Variants in TTC28 observed in about 807,000 individuals in gnomAD.
The protein encoded by TTC28 is tetratricopeptide repeat domain 28.
A neutral mutation model predicts 198.0 loss-of-function variants in TTC28; 61 were observed. The ratio of observed to expected loss-of-function variants is 0.31; its 90% confidence interval spans 0.25 to 0.38. The LOEUF is 0.38. TTC28 is among the 10% of genes least tolerant of loss of function. TTC28 has a pLI of 1.00. For synonymous variants in TTC28, 1,171 were observed against 1,297.8 expected (o/e 0.90, Z 2.10); for missense variants, 2,678 against 3,164.0 (o/e 0.85, Z 3.69).
chr22:28,618,864 A>G (rs1412011909), intron 2 of TTC28, among the ~76,000 whole-genome samples: 1 of 152,096 alleles, frequency 6.6e-6, no homozygotes, highest in Non-Finnish European at 1.5e-5. Flanking sequence ...AAATAAAGAA[A>G]ATATATCACA....
chr22:28,023,252 G>C (rs966938217), intron 13 of TTC28, among the ~76,000 whole-genome samples: 1 of 152,220 alleles, frequency 6.6e-6, no homozygotes, highest in Admixed American at 6.5e-5. Context: ...GGTGGTGCCC[G>C]GCCTCTGCCC....
At chr22:28,505,256 C>CAAAAAA (rs35503278) in intron 2 of TTC28, among the ~76,000 whole-genome samples, 1 of 75,402 alleles carries the variant, frequency 1.3e-5, no homozygotes, top group Non-Finnish European at 2.6e-5. Flanking sequence ...GACTCCGTCT[C>CAAAAAA]AAAAAAAAAA....
chr22:28,495,777 C>G (rs1186202864), intron 2 of TTC28, among the ~76,000 whole-genome samples: 3 of 152,096 alleles, frequency 2.0e-5, no homozygotes, highest in South Asian at 2.1e-4. Context: ...TCAAGTGCCT[C>G]CTGTGTTTGA....
chr22:28,170,873 C>T (rs909249437), intron 5 of TTC28, among the ~76,000 whole-genome samples: 3 of 152,080 alleles, frequency 2.0e-5, no homozygotes, highest in African/African-American at 7.2e-5. Flanking sequence ...CAGGCTCACC[C>T]AGCTCTTCAA....
At chr22:28,286,521 G>A (rs908618117) in intron 5 of TTC28, among the ~76,000 whole-genome samples, 4 of 152,194 alleles carry the variant, frequency 2.6e-5, no homozygotes, top group African/African-American at 9.6e-5. Flanking sequence ...ACATGTGGAA[G>A]TAGCTACCAC....
At chr22:28,064,349 C>G (rs941714178) in intron 12 of TTC28, among the ~76,000 whole-genome samples, 3 of 152,068 alleles carry the variant, frequency 2.0e-5, no homozygotes, top group Admixed American at 2.0e-4. Context: ...ATGAAGTCTC[C>G]AAATAACCCT....
chr22:28,047,624 G>A (rs769186449), intron 12 of TTC28, among the ~76,000 whole-genome samples: 1 of 152,166 alleles, frequency 6.6e-6, no homozygotes, highest in Non-Finnish European at 1.5e-5. Flanking sequence ...GAATGATCCC[G>A]TCTCCCTCTA....
intron 2 of TTC28, among the ~76,000 whole-genome samples, chr22:28,411,903 C>CTA (rs894859633): frequency 1.3e-5 from 2 of 152,286 alleles, no homozygotes; most frequent in Non-Finnish European, 2.9e-5. Context: ...TCCAGAAGTT[C>CTA]TATACCCTGC....
At chr22:28,473,476 G>A (rs561719891) in intron 2 of TTC28, among the ~76,000 whole-genome samples, 1 of 152,286 alleles carries the variant, frequency 6.6e-6, no homozygotes, top group Admixed American at 6.5e-5. Context: ...ATAACTGGAA[G>A]TTACCACCCC....
chr22:28,436,270 G>A (rs993962734), intron 2 of TTC28, among the ~76,000 whole-genome samples: 4 of 152,118 alleles, frequency 2.6e-5, no homozygotes, highest in Non-Finnish European at 4.4e-5. Context: ...AGATCACTGT[G>A]CATCTCATCC....
intron 8 of TTC28, among the ~76,000 whole-genome samples, chr22:28,104,156 G>T (rs970650671): frequency 1.3e-5 from 2 of 152,136 alleles, no homozygotes; most frequent in Admixed American, 1.3e-4. Context: ...CCCAGTGGGG[G>T]CTCAGGAGTA....
intron 2 of TTC28, among the ~76,000 whole-genome samples, chr22:28,546,495 A>G (rs2145947217): frequency 6.6e-6 from 1 of 152,310 alleles, no homozygotes; most frequent in Admixed American, 6.5e-5. Context: ...CATGTGTTGG[A>G]GAAGATATCA....
intron 6 of TTC28, among the ~76,000 whole-genome samples, chr22:28,140,446 A>ACTCAGACC (rs1227179999): frequency 6.6e-6 from 1 of 152,104 alleles, no homozygotes; most frequent in East Asian, 1.9e-4. Flanking sequence ...CATCAATCCC[A>ACTCAGACC]CTCAGACCCC....
chr22:28,630,429 T>G (rs1477310317), intron 1 of TTC28, among the ~76,000 whole-genome samples: 1 of 152,128 alleles, frequency 6.6e-6, no homozygotes, highest in African/African-American at 2.4e-5. Context: ...TTTTGAGTAG[T>G]TGGAAGCAGA....
Position 28,678,344 on chromosome 22 carries a change from A to G in TTC28, c.102+1278T>C, listed in dbSNP as rs182173452. Among the ~76,000 whole-genome samples the G allele has an allele frequency of 2.9e-3, 438 of 152,298 alleles. 2 individuals carry two copies. Among genetic ancestry groups the G allele is most frequent in the Admixed American group, 4.8e-3 (74 of 15,292 alleles). On this transcript the variant is annotated intron_variant, in intron 1 of 22. Coordinates refer to ENST00000397906, the MANE Select transcript of TTC28 (RefSeq NM_001145418.2). ...ATCCTCCCACCTCAGCCTCCAGAGT[A>G]GCTGAGACTGCAAGTGCACTCTACC...
chr22:28,019,526 C>T (rs9625385), intron 13 of TTC28, among the ~76,000 whole-genome samples: 1,722 of 152,278 alleles, frequency 0.011, 30 homozygotes, highest in African/African-American at 0.039. Context: ...CAGCAGGCAC[C>T]CCAGGCTCTG....
intron 2 of TTC28, among the ~76,000 whole-genome samples, chr22:28,483,126 C>T (rs2048275137): frequency 1.3e-5 from 2 of 152,024 alleles, no homozygotes; most frequent in East Asian, 1.9e-4. Context: ...GAGGAATGGC[C>T]GAGCTGTTTT....
chr22:28,464,713 A>T (rs1344029020), intron 2 of TTC28, among the ~76,000 whole-genome samples: 2 of 152,108 alleles, frequency 1.3e-5, no homozygotes, highest in Admixed American at 1.3e-4. Context: ...TTTTATCTCT[A>T]CTTTTTCTAC....
chr22:28,296,634 T>C (rs1180090791), intron 4 of TTC28, among the ~76,000 whole-genome samples: 14 of 152,324 alleles, frequency 9.2e-5, no homozygotes, highest in South Asian at 2.1e-4. Flanking sequence ...TGAGTCCTCA[T>C]TGCCCTGCTA....
Sources: allele counts gnomAD v4.1 joint callset (sites outside exome capture counted in the v4.1 genomes callset), GRCh38; gene constraint gnomAD v4.1.1; transcripts MANE v1.5; gene names NCBI Gene and HGNC (gene_info 2026-07-23, HGNC 2026-07-21).